ARHGAP30: variants seen among roughly 807,000 people sequenced by gnomAD.
ARHGAP30 encodes the protein rho GTPase-activating protein 30.
A neutral mutation model predicts 72.0 loss-of-function variants in ARHGAP30; 23 were observed. The observed-to-expected ratio is 0.32, with a 90% CI of 0.23 to 0.45. The LOEUF is 0.45. Among genes scored for constraint, ARHGAP30 ranks in the 20% least tolerant of loss-of-function variants. The pLI, the probability that ARHGAP30 is intolerant of heterozygous loss-of-function variation, is 1.00. For synonymous variants in ARHGAP30, 576 were observed against 528.2 expected (o/e 1.09, Z -1.24); for missense variants, 1,319 against 1,383.4 (o/e 0.95, Z 0.74).
rs529074186 is a variant in ARHGAP30, at chr1:161,066,504, C to T, written c.97+3024G>A. ...TCCACTAAAAAGTACAAAAATTAGCCAGGCGTGGTGGTGCCTGTAGTCCCA... is the reference window on the plus strand; with the variant it reads ...TCCACTAAAAAGTACAAAAATTAGCTAGGCGTGGTGGTGCCTGTAGTCCCA... On this transcript the variant is annotated intron_variant, in intron 1 of 11. Transcript: ENST00000368013. Among the ~76,000 whole-genome samples, 19 of 151,332 alleles carry T rather than the reference C, an allele frequency of 1.3e-4. No individual in the cohort carries two copies. In the East Asian group the frequency reaches 3.0e-3, roughly 24 times the overall value.
At chr1:161,052,255 CAT>C in intron 9 of ARHGAP30, 29 bp downstream of exon 9, 1 of 1,612,412 alleles carries the variant, frequency 6.2e-7, no homozygotes, top group South Asian at 1.1e-5. Context: ...AGCACACACA[CAT>C]ACACACAGAA....
At chr1:161,066,737 G>A (rs551748170) in intron 1 of ARHGAP30, among the ~76,000 whole-genome samples, 2 of 146,844 alleles carry the variant, frequency 1.4e-5, no homozygotes, top group African/African-American at 5.1e-5. Flanking sequence ...CCCTAGTCAT[G>A]TCTCTTGCCT....
chr1:161,048,468 A>G lies in ARHGAP30; in HGVS notation c.2553T>C (p.Ala851=). The change falls in exon 12 of 12, where the codon GCT becomes GCC. Residue 851 remains alanine (A), a synonymous_variant. Transcript: ENST00000368013. The stretch of plus-strand genomic sequence containing the variant: ...TGTCCTCTTCTAAATAGTACCCTCC[A>G]GCCCTCTGGTCTCCCTCAGCCTCTC... ...GDGEAEGDQR[A]GGYYLEEDTL... is the part of the protein sequence containing the mutation. 6.2e-7 allele frequency: 1 copy of G among 1,614,074 alleles called. No individual in the cohort carries two copies. The highest frequency in any genetic ancestry group is 8.5e-7 in the Non-Finnish European group (1 of 1,179,996).
chr1:161,052,044 ACCACCACCACC>A (rs1557921093), intron 9 of ARHGAP30, among the ~76,000 whole-genome samples: 4,616 of 20,622 alleles, frequency 0.22, 1,337 homozygotes, highest in Middle Eastern at 0.27. Flanking sequence ...CACCACCACC[ACCACCACCACC>A]ACCACATACC....
chr1:161,053,501 TCTCTC>T lies in ARHGAP30; in HGVS notation c.537-121_537-117del, dbSNP rs1557923744. 90 of 813,252 alleles carry T rather than the reference TCTCTC, an allele frequency of 1.1e-4. No homozygotes were observed. In the African/African-American group the frequency reaches 6.4e-3, roughly 58 times the overall value. The allele number at this position is 813,252 out of a possible 1,614,324, so 50.4% of individuals were successfully genotyped here. A position where few individuals can be genotyped will look rare whatever the true frequency, so the allele number is the denominator to read the frequency against. On this transcript the variant is annotated intron_variant, in intron 5 of 11. Transcript: ENST00000368013. ...CTCTCTCTCTCTCTCTCTCTCTCTC[TCTCTC>T]GAATGACCTTAACCCCTTCTCTACC...
At chr1:161,059,559 C>T in intron 2 of ARHGAP30, 55 bp downstream of exon 2, 12 of 1,486,460 alleles carry the variant, frequency 8.1e-6, no homozygotes, top group Non-Finnish European at 1.0e-5. Flanking sequence ...CTTACTGTGA[C>T]CTTCTGGCTC....
chr1:161,053,186 A>G (rs1361748435), intron 6 of ARHGAP30, 72 bp downstream of exon 6: 31 of 1,586,036 alleles, frequency 2.0e-5, no homozygotes, highest in Non-Finnish European at 2.4e-5. Context: ...GAAGTAGGTG[A>G]TCTTCAAGGC....
At position 161,053,369 on chromosome 1, in the gene ARHGAP30, C is replaced by T. The variant is rs764786708; in HGVS notation, c.553G>A (p.Ala185Thr). The T allele has an allele frequency of 2.5e-6, 4 of 1,613,048 alleles. No homozygotes were observed. Among genetic ancestry groups the T allele is most frequent in the Non-Finnish European group, 1.7e-6 (2 of 1,179,468 alleles). The change falls in exon 6 of 12, where the codon GCC (alanine) becomes ACC (threonine). Residue 185 changes from alanine to threonine, a missense_variant. Physicochemically the swap from Ala to Thr is moderately conservative, Grantham distance 58. Coordinates refer to ENST00000368013, the MANE Select transcript of ARHGAP30 (RefSeq NM_001025598.2). ...GCCGCTGTCCCATTGAAGCCTGAGG[C>T]CTCTATGTCCTTAGACCTGTGGAGA... ...PNLLRSKDIE[A>T]SGFNGTAAFM...
rs1376293021 is a variant in ARHGAP30, at chr1:161,051,452, G to A, written c.1282C>T (p.Leu428Phe). 1 of 1,614,158 alleles carries A rather than the reference G, an allele frequency of 6.2e-7. No homozygotes were observed. The highest frequency in any genetic ancestry group is 8.5e-7 in the Non-Finnish European group (1 of 1,180,056). The change falls in exon 10 of 12, where the codon CTC becomes TTC. Residue 428 changes from leucine (L) to phenylalanine (F), a missense_variant. This residue lies in a region of ARHGAP30 where 1,097 missense variants were observed against 1,045.2 expected (regional missense o/e 1.05). Transcript: ENST00000368013. ...VNLPLHITSI[L>F]SVPPNIISNV... ...GAGATGATGTTCGGGGGCACACTGAGGATAGAGGTGATGTGTAGCGGGAGG... is the reference window on the plus strand; with the variant it reads ...GAGATGATGTTCGGGGGCACACTGAAGATAGAGGTGATGTGTAGCGGGAGG...
At chr1:161,051,200 C>T in intron 10 of ARHGAP30, 114 bp downstream of exon 10, 1 of 1,472,982 alleles carries the variant, frequency 6.8e-7, no homozygotes. Context: ...GTAACCACCC[C>T]AAAGCCCAAG....
At chr1:161,066,935 G>A (rs1421053590) in intron 1 of ARHGAP30, among the ~76,000 whole-genome samples, 1 of 152,158 alleles carries the variant, frequency 6.6e-6, no homozygotes, top group Non-Finnish European at 1.5e-5. Flanking sequence ...TAAATAGTCT[G>A]CTGTCACCTA....
In ARHGAP30 at chr1:161,046,967, C is replaced by G; in HGVS notation, c.*748G>C. On this transcript the variant is annotated 3_prime_UTR_variant, in exon 12 of 12. Transcript: ENST00000368013. ...TATGTGTAAAAATACAGCTTTTATTCTGAGACATTGACCTTCACTAGAGTG... is the reference window on the plus strand; with the variant it reads ...TATGTGTAAAAATACAGCTTTTATTGTGAGACATTGACCTTCACTAGAGTG... The G allele has an allele frequency of 2.1e-6, 1 of 468,018 alleles. No homozygotes were observed. The highest frequency in any genetic ancestry group is 4.4e-6 in the Non-Finnish European group (1 of 225,982). 29.0% of individuals were successfully genotyped at this position (468,018 alleles called of 1,614,324 possible). A position where few individuals can be genotyped will look rare whatever the true frequency, so the allele number is the denominator to read the frequency against.
At chr1:161,058,339 A>G (rs1329147983) in intron 2 of ARHGAP30, among the ~76,000 whole-genome samples, 2 of 151,334 alleles carry the variant, frequency 1.3e-5, no homozygotes, top group Non-Finnish European at 2.9e-5. Flanking sequence ...ATAAATAAAT[A>G]CACAGGCCAG....
rs762632359 is a variant in ARHGAP30, at chr1:161,053,390, G to A, written c.537-5C>T. 2 of 1,603,710 alleles carry A rather than the reference G, an allele frequency of 1.2e-6. No individual in the cohort carries two copies. The highest frequency in any genetic ancestry group is 1.3e-5 in the African/African-American group (1 of 74,684). ...GAGGCCTCTATGTCCTTAGACCTGT[G>A]GAGATGTGGAATTATTCTCCCCCTC... On this transcript the variant is annotated splice_polypyrimidine_tract_variant and splice_region_variant and intron_variant, in intron 5 of 11. Transcript: ENST00000368013.
At chr1:161,053,594 A>G (rs929884684) in intron 5 of ARHGAP30, among the ~76,000 whole-genome samples, 38 of 151,946 alleles carry the variant, frequency 2.5e-4, no homozygotes, top group African/African-American at 9.2e-4. Context: ...CTAGGAAGGA[A>G]GCCTTCTTGG....
At position 161,047,759 on chromosome 1, in the gene ARHGAP30, C is replaced by A; in HGVS notation, c.3262G>T (p.Ala1088Ser). The change falls in exon 12 of 12, where the codon GCA becomes TCA. Residue 1088 changes from alanine to serine, a missense_variant. By Grantham distance (99) the Ala-to-Ser change is moderately conservative. This residue lies in a region of ARHGAP30 where 1,097 missense variants were observed against 1,045.2 expected (regional missense o/e 1.05). Coordinates refer to ENST00000368013, the MANE Select transcript of ARHGAP30 (RefSeq NM_001025598.2). ...PLLSSQRRSY[A>S]FETQANPGKG... ...CCAGGGTTAGCCTGTGTTTCAAATG[C>A]ATATGACCTGCGCTGAGAGGACAAC... is the stretch of plus-strand genomic sequence containing the variant. 2 of 1,554,658 alleles carry A rather than the reference C, an allele frequency of 1.3e-6. No homozygotes were observed. The highest frequency in any genetic ancestry group is 1.4e-5 in the African/African-American group (1 of 72,744).
Position 161,048,061 on chromosome 1 carries a change from G to T in ARHGAP30, c.2960C>A (p.Ser987Tyr). The change falls in exon 12 of 12, where the codon TCC becomes TAC. Residue 987 changes from serine to tyrosine, a missense_variant. Ser to Tyr is a moderately radical substitution (Grantham distance 144). Coordinates refer to ENST00000368013, the MANE Select transcript of ARHGAP30 (RefSeq NM_001025598.2). The stretch of plus-strand genomic sequence containing the variant: ...AAGACTACCCCCATTCCTCCAAGAG[G>T]ATCGAGAAGCTCGGGACCCCCAAGC... ...ERAWGSRASR[S>Y]SWRNGGSLSF... The T allele has an allele frequency of 1.2e-6, 2 of 1,614,186 alleles. No homozygotes were observed. Among genetic ancestry groups the T allele is most frequent in the Non-Finnish European group, 1.7e-6 (2 of 1,180,030 alleles).
Position 161,051,521 on chromosome 1 carries a change from C to G in ARHGAP30, c.1213G>C (p.Glu405Gln), listed in dbSNP as rs1651365834. 6.2e-7 allele frequency: 1 copy of G among 1,614,226 alleles called. No homozygotes were observed. Among genetic ancestry groups the G allele is most frequent in the East Asian group, 2.2e-5 (1 of 44,890 alleles). ...GAGATGTGGACACCAGCACAGCGTTCTGCACGGCTGCTGCCCCCAGCCCGG... is the reference window on the plus strand; with the variant it reads ...GAGATGTGGACACCAGCACAGCGTTGTGCACGGCTGCTGCCCCCAGCCCGG... ...AIRAGGSSRA[E>Q]RCAGVHISDP... The change falls in exon 10 of 12, where the codon GAA becomes CAA. Residue 405 changes from glutamate (E) to glutamine (Q), a missense_variant. By Grantham distance (29) the Glu-to-Gln change is conservative. Around this residue, in one of 2 missense-constraint regions of ARHGAP30, gnomAD observed 1,097 missense variants for 1,045.2 expected, o/e 1.05. Coordinates refer to ENST00000368013, the MANE Select transcript of ARHGAP30 (RefSeq NM_001025598.2).
chr1:161,063,810 C>G (rs372564575), intron 1 of ARHGAP30, among the ~76,000 whole-genome samples: 14 of 152,248 alleles, frequency 9.2e-5, no homozygotes, highest in Admixed American at 3.3e-4. Context: ...ACGCCCCCCC[C>G]ACCGGGGCGT....
Sources: allele counts gnomAD v4.1 joint callset (sites outside exome capture counted in the v4.1 genomes callset), GRCh38; gene constraint gnomAD v4.1.1; regional missense constraint gnomAD v4.1.1; transcripts MANE v1.5; gene names NCBI Gene and HGNC (gene_info 2026-07-23, HGNC 2026-07-21).